The following CDH13 variants were observed in gnomAD, a reference collection of about 807,000 sequenced individuals.
CDH13 encodes the protein cadherin-13.
In CDH13, 24 loss-of-function variants were observed where a neutral mutation model predicts 63.8. The observed-to-expected ratio is 0.38, with a 90% CI of 0.27 to 0.53. The LOEUF is 0.53. Ranked by LOEUF, CDH13 falls within the 20% of genes least tolerant of loss-of-function variation. The pLI, the probability that CDH13 is intolerant of heterozygous loss-of-function variation, is 0.85. For synonymous variants in CDH13, 503 were observed against 355.3 expected (o/e 1.42, Z -4.67); for missense variants, 1,049 against 903.1 (o/e 1.16, Z -2.07).
intron 4 of CDH13, among the ~76,000 whole-genome samples, chr16:83,132,100 T>G: frequency 6.6e-6 from 1 of 152,186 alleles, no homozygotes; most frequent in East Asian, 1.9e-4. Flanking sequence ...CTGATAGTCT[T>G]GGAATTTAAT....
chr16:83,259,708 C>T (rs1207628920), intron 5 of CDH13, among the ~76,000 whole-genome samples: 1 of 152,058 alleles, frequency 6.6e-6, no homozygotes, highest in Non-Finnish European at 1.5e-5. Context: ...AGGTTAGTTA[C>T]ATAGGTATAC....
intron 2 of CDH13, among the ~76,000 whole-genome samples, chr16:82,963,681 C>G (rs902332580): frequency 2.0e-5 from 3 of 152,168 alleles, no homozygotes; most frequent in East Asian, 1.9e-4. Flanking sequence ...TATTTCCCCC[C>G]TAAATCCTCA....
chr16:83,482,658 C>G (rs536710540), intron 6 of CDH13, among the ~76,000 whole-genome samples: 3 of 152,364 alleles, frequency 2.0e-5, no homozygotes, highest in South Asian at 4.1e-4. Flanking sequence ...AAGCATTGCA[C>G]TCAGCAGATA....
At chr16:83,371,797 G>A (rs965015621) in intron 6 of CDH13, among the ~76,000 whole-genome samples, 14 of 152,204 alleles carry the variant, frequency 9.2e-5, no homozygotes, top group Non-Finnish European at 1.8e-4. Context: ...AATGGACAGT[G>A]CTTCACGAGT....
At chr16:83,768,079 G>A (rs144067847) in intron 11 of CDH13, among the ~76,000 whole-genome samples, 2 of 152,240 alleles carry the variant, frequency 1.3e-5, no homozygotes, top group Admixed American at 6.5e-5. Flanking sequence ...ATTAAAAATA[G>A]ATAAATGTAT....
intron 6 of CDH13, among the ~76,000 whole-genome samples, chr16:83,356,136 G>C (rs534006607): frequency 6.6e-6 from 1 of 151,786 alleles, no homozygotes; most frequent in African/African-American, 2.4e-5. Flanking sequence ...TGATGATGTT[G>C]CAAGTAATTC....
chr16:83,521,556 A>G (rs2074837951), intron 7 of CDH13, among the ~76,000 whole-genome samples: 1 of 152,242 alleles, frequency 6.6e-6, no homozygotes, highest in African/African-American at 2.4e-5. Context: ...GGATGAGAAT[A>G]TTGTTAAATC....
At chr16:83,223,429 C>A (rs1292311205) in intron 5 of CDH13, among the ~76,000 whole-genome samples, 1 of 152,244 alleles carries the variant, frequency 6.6e-6, no homozygotes, top group Non-Finnish European at 1.5e-5. Flanking sequence ...CCCCACCTCC[C>A]AGCACCATTA....
intron 1 of CDH13, among the ~76,000 whole-genome samples, chr16:82,781,532 T>G (rs1163533582): frequency 6.6e-6 from 1 of 152,018 alleles, no homozygotes; most frequent in Admixed American, 6.6e-5. Flanking sequence ...TATTCACCTA[T>G]CCATCCACCC....
At chr16:83,417,465 C>G (rs1412350497) in intron 6 of CDH13, among the ~76,000 whole-genome samples, 1 of 152,174 alleles carries the variant, frequency 6.6e-6, no homozygotes, top group African/African-American at 2.4e-5. Context: ...CGTGACACCA[C>G]CTCCCTGGTC....
chr16:83,366,923 C>CT (rs1188604879), intron 6 of CDH13, among the ~76,000 whole-genome samples: 6 of 151,550 alleles, frequency 4.0e-5, no homozygotes, highest in African/African-American at 7.3e-5. Context: ...CCAAAGCCCT[C>CT]TTTTTTTTTC....
intron 6 of CDH13, among the ~76,000 whole-genome samples, chr16:83,447,096 C>CTTTTTTTTGTTTTTT (rs2072721694): frequency 2.4e-5 from 1 of 41,526 alleles, no homozygotes; most frequent in Non-Finnish European, 4.7e-5. Context: ...TTATAGTAAC[C>CTTTTTTTTGTTTTTT]TTTTTTTTTT....
chr16:82,844,633 T>C (rs1166628896), intron 1 of CDH13: 1 of 110,832 alleles, frequency 9.0e-6, no homozygotes, highest in Non-Finnish European at 1.9e-5. Flanking sequence ...TATAAGGTAA[T>C]AAAGTATTTT....
At chr16:83,738,544 G>A (rs560329431) in intron 10 of CDH13, among the ~76,000 whole-genome samples, 1 of 152,314 alleles carries the variant, frequency 6.6e-6, no homozygotes, top group East Asian at 1.9e-4. Context: ...CCCTACCACT[G>A]TGCCTACAAG....
At chr16:83,372,885 C>G (rs957408171) in intron 6 of CDH13, among the ~76,000 whole-genome samples, 1 of 151,524 alleles carries the variant, frequency 6.6e-6, no homozygotes, top group African/African-American at 2.4e-5. Flanking sequence ...GTTGACAAAA[C>G]ACAGAATCCT....
chr16:83,560,442 G>T, intron 7 of CDH13, among the ~76,000 whole-genome samples: 1 of 152,150 alleles, frequency 6.6e-6, no homozygotes, highest in Non-Finnish European at 1.5e-5. Flanking sequence ...AATATTGCAC[G>T]TTACCACATA....
At chr16:83,546,543 A>G (rs2075389637) in intron 7 of CDH13, among the ~76,000 whole-genome samples, 1 of 152,022 alleles carries the variant, frequency 6.6e-6, no homozygotes, top group South Asian at 2.1e-4. Flanking sequence ...ATGCAATTTA[A>G]GTGCCAGATA....
intron 7 of CDH13, among the ~76,000 whole-genome samples, chr16:83,567,998 A>T (rs993411178): frequency 5.9e-5 from 9 of 152,176 alleles, no homozygotes; most frequent in Non-Finnish European, 1.0e-4. Flanking sequence ...TTGGGGAATC[A>T]GCAGCATGTA....
chr16:82,769,487 C>A (rs7200332), intron 1 of CDH13, among the ~76,000 whole-genome samples: 11,738 of 152,224 alleles, frequency 0.077, 581 homozygotes, highest in East Asian at 0.23. Context: ...GCTGATACCT[C>A]TGTCTTTATG....
Sources: allele counts gnomAD v4.1 joint callset (sites outside exome capture counted in the v4.1 genomes callset), GRCh38; gene constraint gnomAD v4.1.1; transcripts MANE v1.5; gene names NCBI Gene and HGNC (gene_info 2026-07-23, HGNC 2026-07-21).